Variants in ARSB observed in about 807,000 individuals in gnomAD.
The protein encoded by ARSB is arylsulfatase B.
A neutral mutation model predicts 50.9 loss-of-function variants in ARSB; 41 were observed. The observed-to-expected ratio is 0.81, with a 90% CI of 0.63 to 1.04. The LOEUF (loss-of-function observed/expected upper bound fraction) is 1.04. Ranked by LOEUF, ARSB falls within the 50% of genes least tolerant of loss-of-function variation. The pLI is 0.00. For synonymous variants in ARSB, 269 were observed against 284.8 expected, an observed-to-expected ratio of 0.94 and a Z score of 0.56; for missense variants, 672 against 693.3, an observed-to-expected ratio of 0.97 and a Z score of 0.35.
At chr5:78,827,217 C>T (rs1342318598) in intron 6 of ARSB, among the ~76,000 whole-genome samples, 1 of 152,102 alleles carries the variant, frequency 6.6e-6, no homozygotes, top group African/African-American at 2.4e-5. Context: ...ACTTCTCCTG[C>T]CTTTTTTTTG....
At chr5:78,965,281 G>T (rs1335983779) in intron 2 of ARSB, among the ~76,000 whole-genome samples, 1 of 138,364 alleles carries the variant, frequency 7.2e-6, no homozygotes, top group Non-Finnish European at 1.5e-5. Context: ...GAAGAAAATG[G>T]GTTTTCTCAA....
intron 4 of ARSB, among the ~76,000 whole-genome samples, chr5:78,895,452 T>C (rs1748523200): frequency 6.6e-6 from 1 of 152,146 alleles, no homozygotes. Flanking sequence ...TTAAGGATGG[T>C]TTAGACCTAG....
intron 1 of ARSB, among the ~76,000 whole-genome samples, chr5:78,971,391 G>A (rs1191434389): frequency 6.6e-6 from 1 of 152,192 alleles, no homozygotes; most frequent in African/African-American, 2.4e-5. Flanking sequence ...TTGATTTATA[G>A]AATAAACAGG....
chr5:78,904,843 C>G (rs2112286841), intron 4 of ARSB, among the ~76,000 whole-genome samples: 1 of 152,070 alleles, frequency 6.6e-6, no homozygotes, highest in Admixed American at 6.5e-5. Context: ...CGTGTGCCAC[C>G]ACACCTGACT....
At chr5:78,816,942 G>T in intron 6 of ARSB, 1 of 304,992 alleles carries the variant, frequency 3.3e-6, no homozygotes, top group Non-Finnish European at 4.8e-6. Context: ...GAGACCCTAA[G>T]CAGAGAACCC....
chr5:78,984,903 C>G (rs976047071), intron 1 of ARSB, 34 bp downstream of exon 1: 1 of 1,289,396 alleles, frequency 7.8e-7, no homozygotes, highest in Non-Finnish European at 9.8e-7. Flanking sequence ...AAAGGCGGGG[C>G]GGGGGCGGCG....
At chr5:78,941,101 A>G (rs1240645514) in intron 4 of ARSB, among the ~76,000 whole-genome samples, 1 of 149,744 alleles carries the variant, frequency 6.7e-6, no homozygotes, top group Non-Finnish European at 1.5e-5. Context: ...TTATTGGTGT[A>G]TAAGAATGCT....
chr5:78,800,801 C>A (rs923441516), intron 6 of ARSB, among the ~76,000 whole-genome samples: 1 of 152,264 alleles, frequency 6.6e-6, no homozygotes, highest in African/African-American at 2.4e-5. Flanking sequence ...CACTACAGAA[C>A]TCCAGAGATG....
intron 4 of ARSB, among the ~76,000 whole-genome samples, chr5:78,905,188 A>C: frequency 6.6e-6 from 1 of 152,050 alleles, no homozygotes; most frequent in South Asian, 2.1e-4. Context: ...TCATTTCAAG[A>C]GTGTTCAACT....
intron 6 of ARSB, among the ~76,000 whole-genome samples, chr5:78,787,723 C>T (rs150858915): frequency 1.7e-4 from 26 of 152,222 alleles, no homozygotes; most frequent in East Asian, 7.7e-4. Flanking sequence ...GATGTTCAGA[C>T]GGGAAATAGT....
At chr5:78,866,999 C>T (rs528302428) in intron 5 of ARSB, among the ~76,000 whole-genome samples, 3 of 152,336 alleles carry the variant, frequency 2.0e-5, no homozygotes, top group African/African-American at 7.2e-5. Flanking sequence ...GGCATTGCCT[C>T]ACCTGGGAAG....
intron 6 of ARSB, among the ~76,000 whole-genome samples, chr5:78,807,907 A>C (rs1407372376): frequency 2.0e-5 from 3 of 151,386 alleles, no homozygotes; most frequent in South Asian, 4.2e-4. Flanking sequence ...TCCCGGCTAA[A>C]ACGGTGAAAC....
chr5:78,929,231 G>A (rs1750202540), intron 4 of ARSB, among the ~76,000 whole-genome samples: 1 of 152,154 alleles, frequency 6.6e-6, no homozygotes, highest in Admixed American at 6.5e-5. Flanking sequence ...TAGGCATTGT[G>A]CTAGACTAGT....
At chr5:78,984,780 G>A (rs565697979) in intron 1 of ARSB, among the ~76,000 whole-genome samples, 157 bp downstream of exon 1, 6 of 152,070 alleles carry the variant, frequency 3.9e-5, no homozygotes, top group African/African-American at 7.2e-5. Context: ...CGGCCTGGAA[G>A]AGCGAGGTTG....
intron 6 of ARSB, chr5:78,816,225 T>C (rs1383114341): frequency 6.3e-6 from 10 of 1,597,162 alleles, no homozygotes; most frequent in Non-Finnish European, 8.5e-6. Flanking sequence ...CACTAGACTG[T>C]GAATTCCTAA....
intron 6 of ARSB, among the ~76,000 whole-genome samples, chr5:78,811,875 A>C (rs1743818122): frequency 6.6e-6 from 1 of 152,198 alleles, no homozygotes; most frequent in African/African-American, 2.4e-5. Context: ...ATATTGAAAA[A>C]ACACTAATTA....
intron 5 of ARSB, among the ~76,000 whole-genome samples, chr5:78,875,244 C>T (rs1747431651): frequency 1.3e-5 from 2 of 152,086 alleles, no homozygotes; most frequent in South Asian, 4.1e-4. Context: ...GGAAACTTAA[C>T]AATGCACTTC....
At chr5:78,929,992 C>T (rs1750244292) in intron 4 of ARSB, among the ~76,000 whole-genome samples, 1 of 152,084 alleles carries the variant, frequency 6.6e-6, no homozygotes, top group Admixed American at 6.6e-5. Flanking sequence ...CACAACCCAC[C>T]ATAGACACCA....
At chr5:78,871,154 G>C (rs574530912) in intron 5 of ARSB, among the ~76,000 whole-genome samples, 7,214 of 149,008 alleles carry the variant, frequency 0.048, 559 homozygotes, top group African/African-American at 0.17. Context: ...CACTGCTCAA[G>C]GAAATAAAAG....
Sources: allele counts gnomAD v4.1 joint callset (sites outside exome capture counted in the v4.1 genomes callset), GRCh38; gene constraint gnomAD v4.1.1; transcripts MANE v1.5; gene names NCBI Gene and HGNC (gene_info 2026-07-23, HGNC 2026-07-21).